Variants in DMD observed in about 807,000 individuals in gnomAD.
DMD encodes the protein dystrophin.
A neutral mutation model predicts 330.1 loss-of-function variants in DMD; 63 were observed. The observed-to-expected ratio is 0.19, with a 90% CI of 0.16 to 0.24. The LOEUF is 0.24. DMD is among the 10% of genes least tolerant of loss of function. The probability of loss-of-function intolerance (pLI) is 1.00; values close to 1 mark genes in which losing one functional copy is unlikely to be tolerated. For synonymous variants in DMD, 1,223 were observed against 959.8 expected (o/e 1.27, Z -5.07); for missense variants, 3,344 against 2,684.1 (o/e 1.25, Z -5.43).
In DMD at chrX:32,627,155, C is replaced by T. The variant is rs982053351; in HGVS notation, c.1332-12702G>A. Among the ~76,000 whole-genome samples the T allele has an allele frequency of 2.3e-4, 15 of 64,803 alleles. 1 individual carries two copies. The East Asian group carries it at 2.6e-3, about 11-fold the overall frequency. 56.3% of individuals were successfully genotyped at this position (64,803 alleles called of 115,157 possible). ...CGATTGTGCCTCTTCCCCGCCCCCC[C>T]CCCCGCCCCAGGACACAGCCATAAT... On this transcript the variant is annotated intron_variant, in intron 11 of 78. Coordinates refer to ENST00000357033, the MANE Select transcript of DMD (RefSeq NM_004006.3).
intron 47 of DMD, among the ~76,000 whole-genome samples, chrX:31,903,559 T>C (rs2094446768): frequency 8.9e-6 from 1 of 112,274 alleles, no homozygotes; most frequent in South Asian, 3.6e-4. Context: ...TGCTGTACCA[T>C]ACTATCCCCA....
intron 55 of DMD, among the ~76,000 whole-genome samples, chrX:31,597,772 T>C (rs2077173222): frequency 8.9e-6 from 1 of 112,025 alleles, no homozygotes; most frequent in Admixed American, 9.5e-5. Context: ...ATTGTTAGTA[T>C]TAATAATAAC....
chrX:32,944,501 C>T lies in DMD; in HGVS notation c.93+75638G>A, dbSNP rs930851633. Among the ~76,000 whole-genome samples, 4 of 111,456 alleles carry T rather than the reference C, an allele frequency of 3.6e-5. No homozygotes were observed. In the East Asian group the frequency reaches 1.1e-3, roughly 32 times the overall value. On this transcript the variant is annotated intron_variant, in intron 2 of 78. Transcript: ENST00000357033. ...TATCAAAACCATTTCTTTCATAGTC[C>T]ATCTCTATCCACTGATTTGAAATTC...
chrX:31,688,625 C>A (rs1326150724), intron 52 of DMD, among the ~76,000 whole-genome samples: 3 of 111,484 alleles, frequency 2.7e-5, no homozygotes, highest in Non-Finnish European at 5.7e-5. Context: ...TTTATGAGGC[C>A]AGCATCATCC....
At chrX:32,552,352 A>G (rs1031149907) in intron 16 of DMD, among the ~76,000 whole-genome samples, 7 of 111,706 alleles carry the variant, frequency 6.3e-5, no homozygotes, top group African/African-American at 2.3e-4. Flanking sequence ...TGAAATCAAC[A>G]AAAACAAGCA....
At chrX:32,510,892 C>T in intron 18 of DMD, among the ~76,000 whole-genome samples, 1 of 110,775 alleles carries the variant, frequency 9.0e-6, no homozygotes, top group Non-Finnish European at 1.9e-5. Flanking sequence ...AGAAAGAGTA[C>T]CATATACAAT....
chrX:32,311,475 T>C (rs1328977139), intron 41 of DMD, among the ~76,000 whole-genome samples: 1 of 111,614 alleles, frequency 9.0e-6, no homozygotes, highest in Non-Finnish European at 1.9e-5. Flanking sequence ...TCTTACATGA[T>C]ATAAAAAATG....
At chrX:32,413,126 C>G (rs2098150625) in intron 29 of DMD, among the ~76,000 whole-genome samples, 1 of 110,676 alleles carries the variant, frequency 9.0e-6, no homozygotes, top group Non-Finnish European at 1.9e-5. Context: ...CATACCTTAA[C>G]TTCAATTCCT....
Position 32,349,729 on chromosome X carries a change from C to G in DMD, c.5326-1201G>C, listed in dbSNP as rs748238436. On this transcript the variant is annotated intron_variant, in intron 37 of 78. Transcript: ENST00000357033. ...TGATTCTCATATGCAACATGAATAA[C>G]CACATATCTTCTAGGTACTTCTACA... Among the ~76,000 whole-genome samples, 10 of 111,775 alleles carry G rather than the reference C, an allele frequency of 8.9e-5. No individual in the cohort carries two copies. In the South Asian group the frequency reaches 3.7e-3, roughly 41 times the overall value.
intron 11 of DMD, among the ~76,000 whole-genome samples, chrX:32,625,439 C>T (rs1333848100): frequency 9.0e-6 from 1 of 111,609 alleles, no homozygotes; most frequent in African/African-American, 3.3e-5. Flanking sequence ...TATAAACCGA[C>T]AGATAATTAG....
At chrX:33,013,647 G>A (rs1171226723) in intron 2 of DMD, among the ~76,000 whole-genome samples, 1 of 112,314 alleles carries the variant, frequency 8.9e-6, no homozygotes, top group Non-Finnish European at 1.9e-5. Flanking sequence ...ATATATAAAT[G>A]TGTTAGCTAT....
intron 62 of DMD, among the ~76,000 whole-genome samples, chrX:31,305,943 T>C (rs1190239695): frequency 8.9e-6 from 1 of 112,489 alleles, no homozygotes; most frequent in Non-Finnish European, 1.9e-5. Flanking sequence ...ATTGTGAACA[T>C]TAAAAACAAA....
intron 7 of DMD, among the ~76,000 whole-genome samples, chrX:32,736,900 A>G (rs981491923): frequency 7.2e-5 from 8 of 110,949 alleles, no homozygotes; most frequent in African/African-American, 2.6e-4. Flanking sequence ...CATGTACCCT[A>G]AAGCTTAAAG....
At chrX:32,510,962 T>C (rs1437881185) in intron 18 of DMD, among the ~76,000 whole-genome samples, 1 of 109,815 alleles carries the variant, frequency 9.1e-6, no homozygotes, top group Non-Finnish European at 1.9e-5. Flanking sequence ...GCTCTGATCT[T>C]CCACCTCCTC....
intron 43 of DMD, among the ~76,000 whole-genome samples, chrX:32,273,171 A>G (rs186572834): frequency 9.0e-6 from 1 of 111,194 alleles, no homozygotes; most frequent in African/African-American, 3.3e-5. Flanking sequence ...AGTAAGCCAG[A>G]GTAAGATGCG....
In DMD at chrX:32,383,254, G is replaced by A. The variant is rs993582711; in HGVS notation, c.4675-2574C>T. On this transcript the variant is annotated intron_variant, in intron 33 of 78. Transcript: ENST00000357033. ...TCTTGCACTCCCAGACTCCACACTT[G>A]CAGAAATCAATTTACCTAGTTTATT... Among the ~76,000 whole-genome samples the A allele has an allele frequency of 1.3e-4, 14 of 110,726 alleles. No individual in the cohort carries two copies. The Admixed American group carries it at 1.3e-3, about 11-fold the overall frequency.
Position 31,175,390 on chromosome X carries a change from A to G in DMD, c.10263-1786T>C, listed in dbSNP as rs1437442195. Among the ~76,000 whole-genome samples, 31 of 111,151 alleles carry G rather than the reference A, an allele frequency of 2.8e-4. No individual in the cohort carries two copies. In the Admixed American group the frequency reaches 3.0e-3, roughly 11 times the overall value. ...ACAGAAAATCTTATACAGAGCTTTA[A>G]TTCTTTGCCTCAAGGATAATTCCAT... is the stretch of plus-strand genomic sequence containing the variant. On this transcript the variant is annotated intron_variant, in intron 71 of 78. Transcript: ENST00000357033.
chrX:32,365,141 C>A lies in DMD; in HGVS notation c.4904G>T (p.Gly1635Val). The change falls in exon 35 of 79, where the codon GGA becomes GTA. Residue 1635 changes from glycine to valine, a missense_variant. Physicochemically the swap from Gly to Val is moderately radical, Grantham distance 109. Coordinates refer to ENST00000357033, the MANE Select transcript of DMD (RefSeq NM_004006.3). ...KVHLKSITEVGEALKTVLGKK... is the reference protein window; with the variant it reads ...KVHLKSITEVVEALKTVLGKK... ...GCCCAAAACTGTTTTCAAGGCCTCT[C>A]CTACCTCTGTGATACTCTTCAGGTG... The A allele has an allele frequency of 8.3e-7, 1 of 1,210,937 alleles. No homozygotes were observed. The highest frequency in any genetic ancestry group is 1.8e-5 in the South Asian group (1 of 56,979).
At position 32,183,162 on chromosome X, in the gene DMD, T is replaced by C. The variant is rs145835815; in HGVS notation, c.6438+33754A>G. On this transcript the variant is annotated intron_variant, in intron 44 of 78. Transcript: ENST00000357033. Reference sequence around the variant, plus strand: ...ACCATAACATTTTCAAGAACTGTATTTTATCATTTCTTATGATCCCTGCCA... The same window carrying C: ...ACCATAACATTTTCAAGAACTGTATCTTATCATTTCTTATGATCCCTGCCA... 4.3e-3 allele frequency among the ~76,000 whole-genome samples: 480 copies of C among 111,160 alleles called. 3 individuals carry two copies. Among genetic ancestry groups the C allele is most frequent in the African/African-American group, 0.015 (458 of 30,667 alleles).
Sources: allele counts gnomAD v4.1 joint callset (sites outside exome capture counted in the v4.1 genomes callset), GRCh38; gene constraint gnomAD v4.1.1; transcripts MANE v1.5; gene names NCBI Gene and HGNC (gene_info 2026-07-23, HGNC 2026-07-21).